Variants in ANKRD42 observed in about 807,000 individuals in gnomAD.
ANKRD42 encodes ankyrin repeat domain-containing protein 42.
A neutral mutation model predicts 51.5 loss-of-function variants in ANKRD42; 43 were observed. The ratio of observed to expected loss-of-function variants is 0.83; its 90% CI spans 0.65 to 1.08. The LOEUF is 1.08. Ranked by LOEUF, ANKRD42 falls within the 50% of genes least tolerant of loss-of-function variation. ANKRD42 has a pLI of 0.00. For missense variants in ANKRD42, 608 were observed against 629.3 expected (o/e 0.97, Z 0.36); for synonymous variants, 203 against 213.0 (o/e 0.95, Z 0.41).
At chr11:83,202,096 G>C (rs1294918260) in intron 2 of ANKRD42, among the ~76,000 whole-genome samples, 1 of 152,182 alleles carries the variant, frequency 6.6e-6, no homozygotes, top group African/African-American at 2.4e-5. Context: ...GTATTGCCTA[G>C]TTTTTCTTCT....
intron 5 of ANKRD42, chr11:83,212,618 A>G (rs574852112): frequency 3.6e-4 from 531 of 1,477,208 alleles, no homozygotes; most frequent in Middle Eastern, 1.0e-3. Context: ...GCAGAATAAT[A>G]TGAACAGGCC....
chr11:83,228,024 C>G (rs1348921047), intron 7 of ANKRD42, 152 bp downstream of exon 7: 6 of 721,476 alleles, frequency 8.3e-6, no homozygotes, highest in Non-Finnish European at 1.2e-5. Flanking sequence ...TATAGAATGC[C>G]TAATTTTCAA....
At chr11:83,233,732 G>A (rs965829783) in intron 7 of ANKRD42, among the ~76,000 whole-genome samples, 16 of 152,130 alleles carry the variant, frequency 1.1e-4, no homozygotes, top group Non-Finnish European at 2.2e-4. Flanking sequence ...ACCCATGCTG[G>A]AGTGCAGTGG....
intron 1 of ANKRD42, among the ~76,000 whole-genome samples, chr11:83,195,576 A>G (rs1267052978): frequency 6.6e-6 from 1 of 152,146 alleles, no homozygotes; most frequent in Non-Finnish European, 1.5e-5. Flanking sequence ...GTAATTTTAT[A>G]TCTATATATC....
At chr11:83,232,947 A>G (rs2135540273) in intron 7 of ANKRD42, among the ~76,000 whole-genome samples, 1 of 152,206 alleles carries the variant, frequency 6.6e-6, no homozygotes. Flanking sequence ...GTTATGATGA[A>G]ATGATCTTTC....
chr11:83,204,006 G>T (rs1316892522), intron 2 of ANKRD42, among the ~76,000 whole-genome samples: 2 of 151,786 alleles, frequency 1.3e-5, no homozygotes, highest in Non-Finnish European at 2.9e-5. Context: ...ACAGTGGCAT[G>T]ATCTCGGCTC....
chr11:83,209,348 G>A (rs1361444507), intron 3 of ANKRD42: 3 of 1,311,018 alleles, frequency 2.3e-6, no homozygotes, highest in Non-Finnish European at 3.2e-6. Flanking sequence ...GCTGCTGGGA[G>A]TTGCTTGGAG....
intron 5 of ANKRD42, chr11:83,212,507 A>G: frequency 1.3e-6 from 1 of 761,932 alleles, no homozygotes; most frequent in Non-Finnish European, 2.2e-6. Context: ...CACCTTCTTT[A>G]AAAAGTGGTC....
At chr11:83,241,007 ACTATT>A (rs1863369832) in intron 9 of ANKRD42, 73 bp downstream of exon 9, 6 of 1,498,486 alleles carry the variant, frequency 4.0e-6, no homozygotes, top group Middle Eastern at 3.5e-4. Context: ...AAATTTGGAA[ACTATT>A]CTAAAGACAA....
intron 5 of ANKRD42, among the ~76,000 whole-genome samples, chr11:83,216,243 TTCACC>T (rs1347625372): frequency 2.0e-5 from 3 of 152,256 alleles, no homozygotes; most frequent in Non-Finnish European, 4.4e-5. Context: ...TGTTTTTAAT[TTCACC>T]AGTGATTTTT....
At chr11:83,227,713 T>C (rs200403348) in intron 6 of ANKRD42, 34 bp from the exon 7 acceptor site, 227 of 1,584,808 alleles carry the variant, frequency 1.4e-4, no homozygotes, top group Non-Finnish European at 1.0e-4. Context: ...TAAACTCTTA[T>C]GTTTATTGAA....
intron 7 of ANKRD42, among the ~76,000 whole-genome samples, chr11:83,234,067 C>T (rs181564889): frequency 6.6e-6 from 1 of 152,282 alleles, no homozygotes; most frequent in Admixed American, 6.5e-5. Flanking sequence ...ACTGCTTTTG[C>T]TCTATCTCAT....
intron 1 of ANKRD42, among the ~76,000 whole-genome samples, chr11:83,195,108 C>T (rs1861589262): frequency 6.6e-6 from 1 of 152,134 alleles, no homozygotes; most frequent in Admixed American, 6.5e-5. Context: ...TTTCCCTTAC[C>T]GTTTTCTTTT....
Position 83,248,361 on chromosome 11 carries a change from G to C in ANKRD42, c.*157G>C. On this transcript the variant is annotated 3_prime_UTR_variant, in exon 11 of 11. Transcript: ENST00000533342. ...CTCTATATGTAACTATAACTTTCTAGATACATACACACATCTGTCTATCTA... is the reference window on the plus strand; with the variant it reads ...CTCTATATGTAACTATAACTTTCTACATACATACACACATCTGTCTATCTA... 2 of 1,344,288 alleles carry C rather than the reference G, an allele frequency of 1.5e-6. No individual in the cohort carries two copies. Among genetic ancestry groups the C allele is most frequent in the Non-Finnish European group, 1.9e-6 (2 of 1,056,080 alleles). The allele number at this position is 1,344,288 out of a possible 1,614,324, so 83.3% of individuals were successfully genotyped here.
At chr11:83,252,020 TCTC>T, downstream of ANKRD42, among the ~76,000 whole-genome samples, 1 of 152,146 alleles carries the variant, frequency 6.6e-6, no homozygotes, top group Non-Finnish European at 1.5e-5. Context: ...TTCTTTCTTC[TCTC>T]CTATCTGAAA....
At chr11:83,235,622 C>T (rs1440318351) in intron 7 of ANKRD42, among the ~76,000 whole-genome samples, 1 of 152,220 alleles carries the variant, frequency 6.6e-6, no homozygotes, top group Non-Finnish European at 1.5e-5. Context: ...TAGCCCTGTC[C>T]TCACATCTTA....
intron 2 of ANKRD42, among the ~76,000 whole-genome samples, chr11:83,203,666 A>G (rs1861957463): frequency 1.3e-5 from 2 of 152,164 alleles, no homozygotes; most frequent in Non-Finnish European, 2.9e-5. Flanking sequence ...TGCTAGGATT[A>G]CAGGCATGAA....
chr11:83,227,667 C>T, intron 6 of ANKRD42, 80 bp from the exon 7 acceptor site: 2 of 1,443,112 alleles, frequency 1.4e-6, no homozygotes, highest in East Asian at 2.3e-5. Context: ...AATATTGAAA[C>T]CTGAAATATA....
chr11:83,236,602 AT>A, intron 8 of ANKRD42, 93 bp downstream of exon 8: 1 of 943,074 alleles, frequency 1.1e-6, no homozygotes, highest in South Asian at 1.8e-5. Flanking sequence ...TTTTAATGGA[AT>A]TTTAGAGGAC....
Sources: allele counts gnomAD v4.1 joint callset (sites outside exome capture counted in the v4.1 genomes callset), GRCh38; gene constraint gnomAD v4.1.1; transcripts MANE v1.5; gene names NCBI Gene and HGNC (gene_info 2026-07-23, HGNC 2026-07-21).